The following RAB27B variants were observed in gnomAD, a reference collection of about 807,000 sequenced individuals.
RAB27B encodes the protein RAB27B, member RAS oncogene family.
In RAB27B, 15 loss-of-function variants were observed where a neutral mutation model predicts 24.6. That is an observed-to-expected ratio of 0.61 (90% CI 0.41 to 0.94). RAB27B has a LOEUF of 0.94. RAB27B is among the 40% of genes least tolerant of loss of function. The probability of loss-of-function intolerance (pLI) is 0.00; values close to 1 mark genes in which losing one functional copy is unlikely to be tolerated. For synonymous variants in RAB27B, 105 were observed against 92.5 expected (o/e 1.14, Z -0.78); for missense variants, 261 against 266.8 (o/e 0.98, Z 0.15).
At chr18:54,776,820 A>C (rs1908730758) in intron 2 of RAB27B, among the ~76,000 whole-genome samples, 1 of 152,180 alleles carries the variant, frequency 6.6e-6, no homozygotes, top group African/African-American at 2.4e-5. Context: ...GCACTTTGGG[A>C]GGCCAAGGCT....
chr18:54,886,737 C>T (rs1297685364), intron 4 of RAB27B, among the ~76,000 whole-genome samples: 3 of 152,004 alleles, frequency 2.0e-5, no homozygotes, highest in South Asian at 2.1e-4. Context: ...TGTTTTTAAA[C>T]GTCTCCAGAA....
chr18:54,859,834 A>G (rs1468755723), intron 1 of RAB27B, among the ~76,000 whole-genome samples: 1 of 152,250 alleles, frequency 6.6e-6, no homozygotes, highest in African/African-American at 2.4e-5. Flanking sequence ...TAAAGCTGTA[A>G]TTAGCCATTG....
chr18:54,873,256 G>A (rs1431107496), intron 1 of RAB27B, among the ~76,000 whole-genome samples: 1 of 152,078 alleles, frequency 6.6e-6, no homozygotes, highest in Non-Finnish European at 1.5e-5. Flanking sequence ...GAGCCTCATG[G>A]GTGTGATACA....
At chr18:54,813,291 A>C (rs140507436) in intron 2 of RAB27B, among the ~76,000 whole-genome samples, 4 of 152,210 alleles carry the variant, frequency 2.6e-5, no homozygotes, top group Admixed American at 2.6e-4. Flanking sequence ...TAGACATGCT[A>C]TGAGAAAGTT....
intron 2 of RAB27B, among the ~76,000 whole-genome samples, chr18:54,762,906 T>TG (rs1412394333): frequency 6.6e-6 from 1 of 152,134 alleles, no homozygotes; most frequent in Non-Finnish European, 1.5e-5. Flanking sequence ...CCCTCACACC[T>TG]GGGGGGTTCA....
At chr18:54,793,953 A>G (rs1217362693) in intron 2 of RAB27B, among the ~76,000 whole-genome samples, 1 of 152,100 alleles carries the variant, frequency 6.6e-6, no homozygotes, top group African/African-American at 2.4e-5. Flanking sequence ...TTCTGCTGTA[A>G]TTGTCATGAT....
At chr18:54,831,132 C>G (rs978360986) in intron 1 of RAB27B, among the ~76,000 whole-genome samples, 1 of 151,970 alleles carries the variant, frequency 6.6e-6, no homozygotes, top group Non-Finnish European at 1.5e-5. Flanking sequence ...AGTATAAAGC[C>G]GAGGAGGCAT....
At chr18:54,732,790 GT>G (rs992692587) in intron 2 of RAB27B, among the ~76,000 whole-genome samples, 28 of 152,240 alleles carry the variant, frequency 1.8e-4, no homozygotes, top group Admixed American at 1.8e-3. Flanking sequence ...CCAGACAAAA[GT>G]TATTTATATT....
chr18:54,784,112 A>G (rs1437277666), intron 2 of RAB27B, among the ~76,000 whole-genome samples: 1 of 152,194 alleles, frequency 6.6e-6, no homozygotes, highest in Non-Finnish European at 1.5e-5. Context: ...TTGCTAACCT[A>G]TGGCTGGAGA....
intron 2 of RAB27B, among the ~76,000 whole-genome samples, chr18:54,792,068 C>G (rs1232164364): frequency 1.3e-5 from 2 of 152,184 alleles, no homozygotes; most frequent in African/African-American, 4.8e-5. Context: ...ACAGAAAGCC[C>G]TCTGTCCTGG....
chr18:54,817,547 A>C (rs1214864342), intron 2 of RAB27B, among the ~76,000 whole-genome samples: 1 of 152,220 alleles, frequency 6.6e-6, no homozygotes, highest in East Asian at 1.9e-4. Flanking sequence ...AATCTGGATT[A>C]GTTGGAGAGT....
At position 54,889,421 on chromosome 18, in the gene RAB27B, A is replaced by G. The variant is rs555205228; in HGVS notation, c.*8A>G. The G allele has an allele frequency of 1.3e-6, 2 of 1,596,590 alleles. No homozygotes were observed. The highest frequency in any genetic ancestry group is 2.2e-5 in the East Asian group (1 of 44,640). ...AAGAAATGTATCTGCTAGACTCTAC[A>G]TAGAAACTGAACATCAAGAACCCCA... On this transcript the variant is annotated 3_prime_UTR_variant, in exon 6 of 6. Transcript: ENST00000262094.
chr18:54,799,082 T>C (rs779329753), intron 2 of RAB27B, among the ~76,000 whole-genome samples: 2 of 152,246 alleles, frequency 1.3e-5, no homozygotes, highest in Non-Finnish European at 2.9e-5. Context: ...TTTTTTATTT[T>C]AGGCTATGCT....
intron 2 of RAB27B, among the ~76,000 whole-genome samples, chr18:54,742,708 A>G (rs903199340): frequency 2.0e-5 from 3 of 152,118 alleles, no homozygotes; most frequent in Non-Finnish European, 2.9e-5. Flanking sequence ...AGACTGTGAG[A>G]CAGAAAACAG....
intron 2 of RAB27B, among the ~76,000 whole-genome samples, chr18:54,783,885 A>C (rs1456328497): frequency 1.3e-5 from 2 of 152,286 alleles, no homozygotes; most frequent in Admixed American, 1.3e-4. Flanking sequence ...TCATAATTAC[A>C]TAGGTAGGAG....
intron 1 of RAB27B, among the ~76,000 whole-genome samples, chr18:54,862,279 A>C (rs1912039457): frequency 6.6e-6 from 1 of 152,224 alleles, no homozygotes; most frequent in Admixed American, 6.5e-5. Context: ...GAAATTTAGA[A>C]TGTGTGAGGG....
At chr18:54,756,434 C>A (rs1381347717) in intron 2 of RAB27B, among the ~76,000 whole-genome samples, 1 of 152,142 alleles carries the variant, frequency 6.6e-6, no homozygotes, top group Non-Finnish European at 1.5e-5. Flanking sequence ...TCTTCCTGCC[C>A]CTAAAATACT....
intron 2 of RAB27B, among the ~76,000 whole-genome samples, chr18:54,796,656 C>T (rs989549028): frequency 1.1e-4 from 16 of 152,274 alleles, no homozygotes; most frequent in East Asian, 7.7e-4. Context: ...CTGCTCCTCT[C>T]GACTTTCACC....
At chr18:54,851,446 C>A (rs563559262) in intron 1 of RAB27B, among the ~76,000 whole-genome samples, 1 of 152,108 alleles carries the variant, frequency 6.6e-6, no homozygotes, top group Non-Finnish European at 1.5e-5. Context: ...AACATTTAGG[C>A]GCAAATATAA....
Sources: allele counts gnomAD v4.1 joint callset (sites outside exome capture counted in the v4.1 genomes callset), GRCh38; gene constraint gnomAD v4.1.1; transcripts MANE v1.5; gene names NCBI Gene and HGNC (gene_info 2026-07-23, HGNC 2026-07-21).